VSNL1: variants seen among roughly 807,000 people sequenced by gnomAD.
VSNL1 encodes visinin like 1.
VSNL1 carries 6 observed loss-of-function variants against 20.4 expected under a neutral mutation model. That is an observed-to-expected ratio of 0.29 (90% CI 0.16 to 0.58). VSNL1 has a LOEUF of 0.58. Among genes scored for constraint, VSNL1 ranks in the 20% least tolerant of loss-of-function variants. VSNL1 has a pLI of 0.90. For synonymous variants in VSNL1, 93 were observed against 86.4 expected (o/e 1.08, Z -0.42); for missense variants, 100 against 234.5 (o/e 0.43, Z 3.75).
chr2:17,546,225 T>G (rs1274008921), intron 1 of VSNL1, among the ~76,000 whole-genome samples: 1 of 152,038 alleles, frequency 6.6e-6, no homozygotes, highest in Non-Finnish European at 1.5e-5. Flanking sequence ...TCAGTTAAAT[T>G]TATCTGCAAT....
intron 2 of VSNL1, among the ~76,000 whole-genome samples, chr2:17,597,850 T>C (rs1274331974): frequency 6.6e-6 from 1 of 152,224 alleles, no homozygotes; most frequent in Non-Finnish European, 1.5e-5. Context: ...TATCATCTTA[T>C]TTTTGAGTAA....
chr2:17,567,813 C>T (rs1663988587), intron 1 of VSNL1: 1 of 151,962 alleles, frequency 6.6e-6, no homozygotes, highest in East Asian at 1.9e-4. Context: ...GAATGCTTTT[C>T]TAATAAAAAG....
intron 2 of VSNL1, among the ~76,000 whole-genome samples, chr2:17,618,496 C>T (rs148635303): frequency 1.3e-5 from 2 of 152,182 alleles, no homozygotes; most frequent in African/African-American, 4.8e-5. Context: ...AAATAATTTC[C>T]ACATTTGCAG....
intron 1 of VSNL1, among the ~76,000 whole-genome samples, chr2:17,570,973 C>G (rs1664068463): frequency 6.6e-6 from 1 of 152,004 alleles, no homozygotes; most frequent in South Asian, 2.1e-4. Flanking sequence ...TTGCAGTAAG[C>G]CGAGATTGCG....
chr2:17,641,286 G>A (rs1216471399), intron 2 of VSNL1, among the ~76,000 whole-genome samples: 2 of 152,188 alleles, frequency 1.3e-5, no homozygotes, highest in Non-Finnish European at 2.9e-5. Flanking sequence ...AGTACGAAGG[G>A]AGTGGTCTCA....
chr2:17,640,481 A>G (rs548297024), intron 2 of VSNL1, among the ~76,000 whole-genome samples: 4 of 152,248 alleles, frequency 2.6e-5, no homozygotes, highest in Non-Finnish European at 5.9e-5. Context: ...ATCTTATCCT[A>G]TAACTGTGGT....
chr2:17,587,470 C>T (rs1664502936), intron 1 of VSNL1, among the ~76,000 whole-genome samples: 1 of 151,844 alleles, frequency 6.6e-6, no homozygotes, highest in African/African-American at 2.4e-5. Context: ...TTCTTGGCTC[C>T]CTTGTAGGCC....
intron 2 of VSNL1, among the ~76,000 whole-genome samples, chr2:17,647,689 A>C (rs1324205291): frequency 6.6e-6 from 1 of 152,134 alleles, no homozygotes; most frequent in African/African-American, 2.4e-5. Flanking sequence ...CCCTCCTTGA[A>C]ACTAACAGCT....
intron 1 of VSNL1, chr2:17,567,571 AG>A: frequency 6.6e-6 from 1 of 152,204 alleles, no homozygotes; most frequent in South Asian, 2.1e-4. Context: ...TGTGTTAGCC[AG>A]GATGGTCTCG....
intron 1 of VSNL1, among the ~76,000 whole-genome samples, chr2:17,559,808 C>T (rs140726962): frequency 1.3e-5 from 2 of 152,018 alleles, no homozygotes; most frequent in African/African-American, 2.4e-5. Flanking sequence ...AAGAAAAAGA[C>T]TTCTATCTAT....
rs191162095 is a variant in VSNL1 at position 17,644,311 on chromosome 2, C to T, written c.163-5099C>T. Among the ~76,000 whole-genome samples, 8 of 152,336 alleles carry T rather than the reference C, an allele frequency of 5.3e-5. No homozygotes were observed. The East Asian group carries it at 1.4e-3, about 26-fold the overall frequency. ...CTGCTGGAAAGGCCCGACCACCCCA[C>T]GTGAAGGCCTCAGCCCCCAGGACAA... On this transcript the variant is annotated intron_variant, in intron 2 of 3. Coordinates refer to ENST00000295156, the MANE Select transcript of VSNL1 (RefSeq NM_003385.5).
intron 2 of VSNL1, among the ~76,000 whole-genome samples, chr2:17,627,655 AG>A (rs1665542905): frequency 6.6e-6 from 1 of 152,206 alleles, no homozygotes; most frequent in African/African-American, 2.4e-5. Flanking sequence ...ACTGGTTGGC[AG>A]GTCCAGGTGG....
At chr2:17,611,622 C>T (rs1665089796) in intron 2 of VSNL1, among the ~76,000 whole-genome samples, 1 of 152,156 alleles carries the variant, frequency 6.6e-6, no homozygotes, top group Non-Finnish European at 1.5e-5. Flanking sequence ...CCAAACTCCC[C>T]AGACTGGGCC....
At chr2:17,559,768 T>A (rs750853481) in intron 1 of VSNL1, among the ~76,000 whole-genome samples, 1 of 152,162 alleles carries the variant, frequency 6.6e-6, no homozygotes, top group Non-Finnish European at 1.5e-5. Context: ...GATTTATCTT[T>A]GTATATTTAT....
In VSNL1 at chr2:17,568,050, T is replaced by C. The variant is rs199610253; in HGVS notation, c.-5-24020T>C. ...GGCATATAGCTGGATTTTACTGAGATGACGAATGTATTTAGAATTCCATCT... is the reference window on the plus strand; with the variant it reads ...GGCATATAGCTGGATTTTACTGAGACGACGAATGTATTTAGAATTCCATCT... On this transcript the variant is annotated intron_variant, in intron 1 of 3. Transcript: ENST00000295156. Among the ~76,000 whole-genome samples the C allele has an allele frequency of 2.1e-4, 32 of 152,328 alleles. No homozygotes were observed. The East Asian group carries it at 2.3e-3, about 11-fold the overall frequency.
chr2:17,633,716 C>T (rs916476698), intron 2 of VSNL1, among the ~76,000 whole-genome samples: 1 of 151,942 alleles, frequency 6.6e-6, no homozygotes, highest in African/African-American at 2.4e-5. Context: ...TAAAACAGCT[C>T]GTGACAAGAC....
Position 17,561,673 on chromosome 2 carries a change from G to A in VSNL1, c.-6+20755G>A, listed in dbSNP as rs137919068. 9.8e-4 allele frequency among the ~76,000 whole-genome samples: 150 copies of A among 152,334 alleles called. 1 individual carries two copies. Among genetic ancestry groups the A allele is most frequent in the African/African-American group, 3.5e-3 (146 of 41,582 alleles). On this transcript the variant is annotated intron_variant, in intron 1 of 3. Transcript: ENST00000295156. ...GTTTGGAGGCTATTGCAGTTGCCCAGATGACAGATGATGTTCCTTTTGATA... is the reference window on the plus strand; with the variant it reads ...GTTTGGAGGCTATTGCAGTTGCCCAAATGACAGATGATGTTCCTTTTGATA...
At chr2:17,639,522 A>G (rs1347056275) in intron 2 of VSNL1, among the ~76,000 whole-genome samples, 3 of 152,154 alleles carry the variant, frequency 2.0e-5, no homozygotes, top group Non-Finnish European at 2.9e-5. Context: ...ATCACTCAAT[A>G]TATTGTTTTC....
At chr2:17,583,248 A>G (rs573235691) in intron 1 of VSNL1, among the ~76,000 whole-genome samples, 1 of 152,280 alleles carries the variant, frequency 6.6e-6, no homozygotes, top group South Asian at 2.1e-4. Flanking sequence ...CTGATGATCA[A>G]TGCCTAACCC....
Sources: allele counts gnomAD v4.1 joint callset (sites outside exome capture counted in the v4.1 genomes callset), GRCh38; gene constraint gnomAD v4.1.1; transcripts MANE v1.5; gene names NCBI Gene and HGNC (gene_info 2026-07-23, HGNC 2026-07-21).